The following GRIN2B variants were observed in gnomAD, a reference collection of about 807,000 sequenced individuals.
GRIN2B encodes the protein glutamate receptor ionotropic, NMDA 2B.
Under a neutral mutation model 114.5 loss-of-function variants are expected in GRIN2B, and 5 were observed. That is an observed-to-expected ratio of 0.04 (90% CI 0.02 to 0.09). The LOEUF is 0.09. GRIN2B is among the 10% of genes least tolerant of loss of function. GRIN2B has a pLI of 1.00. For missense variants in GRIN2B, 1,108 were observed against 1,943.5 expected, an observed-to-expected ratio of 0.57 and a Z score of 8.08; for synonymous variants, 787 against 745.1, an observed-to-expected ratio of 1.06 and a Z score of -0.92.
intron 10 of GRIN2B, among the ~76,000 whole-genome samples, chr12:13,602,750 T>A (rs1949178284): frequency 6.6e-6 from 1 of 152,188 alleles, no homozygotes; most frequent in African/African-American, 2.4e-5. Context: ...TTCATTTAGG[T>A]GTTACGTGGC....
At chr12:13,725,937 G>A (rs1862977257) in intron 4 of GRIN2B, among the ~76,000 whole-genome samples, 2 of 152,060 alleles carry the variant, frequency 1.3e-5, no homozygotes, top group Non-Finnish European at 2.9e-5. Context: ...GGAGTTTCTT[G>A]CAGATCTTCA....
Position 13,900,176 on chromosome 12 carries a change from T to C in GRIN2B, c.-18-33950A>G, listed in dbSNP as rs115948248. 7.8e-3 allele frequency among the ~76,000 whole-genome samples: 1,181 copies of C among 152,180 alleles called. 21 individuals are homozygous for C. Among genetic ancestry groups the C allele is most frequent in the African/African-American group, 0.027 (1,137 of 41,526 alleles). On this transcript the variant is annotated intron_variant, in intron 2 of 13. Coordinates refer to ENST00000609686, the MANE Select transcript of GRIN2B (RefSeq NM_000834.5). ...CTTCTTCATCATTGTGGAATATACA[T>C]ATAAAAAGTTAATAAGGCCGGGCAC...
chr12:13,903,106 C>T lies in GRIN2B; in HGVS notation c.-18-36880G>A, dbSNP rs551284379. On this transcript the variant is annotated intron_variant, in intron 2 of 13. Transcript: ENST00000609686. ...TCTAGTGATATCCCCATTTTTCTTC[C>T]TTAAACCATTTGTACCTTATATTAT... Among the ~76,000 whole-genome samples, 23 of 151,730 alleles carry T rather than the reference C, an allele frequency of 1.5e-4. No homozygotes were observed. In the South Asian group the frequency reaches 4.8e-3, roughly 31 times the overall value.
At position 13,611,720 on chromosome 12, in the gene GRIN2B, C is replaced by G. The variant is rs1949367435; in HGVS notation, c.1780+5G>C. On this transcript the variant is annotated splice_donor_5th_base_variant and intron_variant, in intron 9 of 13. Coordinates refer to ENST00000609686, the MANE Select transcript of GRIN2B (RefSeq NM_000834.5). ...GGGAAGTGCAGCGGTTCCAGCCGGCCTTACCTCTGCCATCAGCGAGGCACC... is the reference window on the plus strand; with the variant it reads ...GGGAAGTGCAGCGGTTCCAGCCGGCGTTACCTCTGCCATCAGCGAGGCACC... The G allele has an allele frequency of 6.2e-7, 1 of 1,613,740 alleles. No individual in the cohort carries two copies. The highest frequency in any genetic ancestry group is 1.1e-5 in the South Asian group (1 of 91,076).
chr12:13,582,114 C>T (rs1477288697), intron 10 of GRIN2B, among the ~76,000 whole-genome samples: 1 of 152,192 alleles, frequency 6.6e-6, no homozygotes, highest in Non-Finnish European at 1.5e-5. Context: ...TCCTCCATCT[C>T]AAAACATGGG....
intron 2 of GRIN2B, among the ~76,000 whole-genome samples, chr12:13,956,251 C>T (rs897248592): frequency 6.6e-5 from 10 of 152,046 alleles, no homozygotes; most frequent in African/African-American, 2.4e-4. Context: ...GGGCAGGAGG[C>T]GACAAAGGCC....
At chr12:13,614,856 C>T (rs1161488634) in intron 8 of GRIN2B, among the ~76,000 whole-genome samples, 1 of 152,140 alleles carries the variant, frequency 6.6e-6, no homozygotes, top group African/African-American at 2.4e-5. Flanking sequence ...AGGAATGGGA[C>T]TACAGTAAGC....
At chr12:13,592,340 C>T (rs1949018990) in intron 10 of GRIN2B, among the ~76,000 whole-genome samples, 2 of 152,196 alleles carry the variant, frequency 1.3e-5, no homozygotes, top group Non-Finnish European at 1.5e-5. Context: ...ATACCTCCTT[C>T]CAAACAGCCC....
At chr12:13,871,478 A>T (rs766300925) in intron 2 of GRIN2B, among the ~76,000 whole-genome samples, 52 of 151,924 alleles carry the variant, frequency 3.4e-4, no homozygotes, top group Non-Finnish European at 6.2e-4. Flanking sequence ...AAAAATACTA[A>T]ATGTCAGAAT....
At chr12:13,802,515 G>T (rs1219025079) in intron 3 of GRIN2B, among the ~76,000 whole-genome samples, 1 of 151,976 alleles carries the variant, frequency 6.6e-6, no homozygotes, top group Non-Finnish European at 1.5e-5. Flanking sequence ...TATCTACAAG[G>T]ATGTCCATCA....
chr12:13,763,715 A>T (rs1333754503), intron 3 of GRIN2B, among the ~76,000 whole-genome samples: 3 of 152,036 alleles, frequency 2.0e-5, no homozygotes, highest in Admixed American at 2.0e-4. Context: ...GAGCTTGCTG[A>T]CCTCCACCCT....
chr12:13,583,697 G>C (rs1371131328), intron 10 of GRIN2B, among the ~76,000 whole-genome samples: 1 of 152,162 alleles, frequency 6.6e-6, no homozygotes, highest in Non-Finnish European at 1.5e-5. Context: ...GATTGGCCAA[G>C]TTTATCCAGG....
At position 13,562,393 on chromosome 12, in the gene GRIN2B, T is replaced by G; in HGVS notation, c.*390A>C. On this transcript the variant is annotated 3_prime_UTR_variant, in exon 14 of 14. Transcript: ENST00000609686. ...AAGATCAGTTTGGGAAAAGCTACCT[T>G]TGTGCTCACATAGCCTCTTTTTGGT... 1 of 220,742 alleles carries G rather than the reference T, an allele frequency of 4.5e-6. No homozygotes were observed. The highest frequency in any genetic ancestry group is 9.0e-6 in the Non-Finnish European group (1 of 110,812). 13.7% of individuals were successfully genotyped at this position (220,742 alleles called of 1,614,324 possible).
At chr12:13,727,855 G>A (rs543363518) in intron 4 of GRIN2B, among the ~76,000 whole-genome samples, 3 of 152,262 alleles carry the variant, frequency 2.0e-5, no homozygotes, top group South Asian at 4.1e-4. Flanking sequence ...TAGCTCTGTG[G>A]GGTAAAATGT....
At chr12:13,796,234 ATGT>A (rs760075878) in intron 3 of GRIN2B, among the ~76,000 whole-genome samples, 8 of 152,208 alleles carry the variant, frequency 5.3e-5, no homozygotes, top group Non-Finnish European at 8.8e-5. Context: ...CACATTTTTA[ATGT>A]TGTAAAATAT....
chr12:13,929,823 T>C (rs1233720560), intron 2 of GRIN2B, among the ~76,000 whole-genome samples: 1 of 152,236 alleles, frequency 6.6e-6, no homozygotes, highest in Non-Finnish European at 1.5e-5. Context: ...ACCGGGTTAC[T>C]GTGATGGTTC....
At chr12:13,889,904 C>G (rs541930232) in intron 2 of GRIN2B, among the ~76,000 whole-genome samples, 1 of 152,182 alleles carries the variant, frequency 6.6e-6, no homozygotes, top group Non-Finnish European at 1.5e-5. Flanking sequence ...CTTCAGTGAC[C>G]GTCATTCTCC....
intron 3 of GRIN2B, among the ~76,000 whole-genome samples, chr12:13,769,487 T>G (rs141539629): frequency 6.6e-6 from 1 of 152,130 alleles, no homozygotes; most frequent in Non-Finnish European, 1.5e-5. Context: ...GGGTATACAT[T>G]TGCAGCATTT....
chr12:13,823,929 T>C (rs541597434), intron 3 of GRIN2B, among the ~76,000 whole-genome samples: 57 of 152,290 alleles, frequency 3.7e-4, no homozygotes, highest in African/African-American at 1.3e-3. Flanking sequence ...CATATTAATA[T>C]AATGAATTAC....
Sources: gnomAD v4.1 joint callset for allele counts (sites outside exome capture counted in the v4.1 genomes callset) on GRCh38, gnomAD v4.1.1 for gene constraint, MANE v1.5 for transcripts, NCBI Gene and HGNC (gene_info 2026-07-23, HGNC 2026-07-21) for gene names.